The following MAD1L1 variants were observed in gnomAD, a reference collection of about 807,000 sequenced individuals.
The protein encoded by MAD1L1 is mitotic arrest deficient 1 like 1.
In MAD1L1, 95 loss-of-function variants were observed where a neutral mutation model predicts 96.9. The ratio of observed to expected loss-of-function variants is 0.98; its 90% CI spans 0.83 to 1.16. The LOEUF (loss-of-function observed/expected upper bound fraction) is 1.16. Ranked by LOEUF, MAD1L1 falls within the 50% of genes most tolerant of loss-of-function variation. The probability of loss-of-function intolerance (pLI) is 0.00; values close to 1 mark genes in which losing one functional copy is unlikely to be tolerated. For synonymous variants in MAD1L1, 473 were observed against 396.6 expected (o/e 1.19, Z -2.29); for missense variants, 1,007 against 954.4 (o/e 1.06, Z -0.73).
chr7:2,006,074 A>G (rs1044927243), intron 13 of MAD1L1, among the ~76,000 whole-genome samples: 1 of 151,876 alleles, frequency 6.6e-6, no homozygotes, highest in African/African-American at 2.4e-5. Context: ...GCTTATAGAC[A>G]TTCTACAGCA....
intron 12 of MAD1L1, among the ~76,000 whole-genome samples, chr7:2,064,691 A>AGCTTCTCCCAGGAGGACAGCG (rs1182935792): frequency 6.7e-6 from 1 of 148,920 alleles, no homozygotes; most frequent in African/African-American, 2.5e-5. Context: ...GGAATATGGC[A>AGCTTCTCCCAGGAGGACAGCG]GCTTCTCCCA....
chr7:2,061,191 G>C (rs1784645474), intron 12 of MAD1L1, among the ~76,000 whole-genome samples: 2 of 152,118 alleles, frequency 1.3e-5, no homozygotes, highest in South Asian at 4.1e-4. Flanking sequence ...ACAAAACTTA[G>C]CTGGGCGTGC....
In MAD1L1 at chr7:1,941,652, G is replaced by A. The variant is rs146605782; in HGVS notation, c.1597-4755C>T. Among the ~76,000 whole-genome samples, 242 of 152,298 alleles carry A rather than the reference G, an allele frequency of 1.6e-3. 1 individual carries two copies. The highest frequency in any genetic ancestry group is 2.5e-3 in the Non-Finnish European group (171 of 68,030). ...ATGCACCACCAGGTCCTGCTCTCCC[G>A]GAGCCACAGTGTGAGGCCAAGGTCG... On this transcript the variant is annotated intron_variant, in intron 16 of 18. Transcript: ENST00000265854.
At chr7:2,005,797 T>C (rs1260752714) in intron 13 of MAD1L1, among the ~76,000 whole-genome samples, 1 of 152,096 alleles carries the variant, frequency 6.6e-6, no homozygotes, top group Admixed American at 6.5e-5. Context: ...TGAGACCCTG[T>C]GTCAAAAAAA....
intron 17 of MAD1L1, among the ~76,000 whole-genome samples, chr7:1,913,815 T>C (rs1788174967): frequency 6.6e-6 from 1 of 152,098 alleles, no homozygotes; most frequent in African/African-American, 2.4e-5. Flanking sequence ...GGAGGCTCCC[T>C]GGCTGCCTCC....
intron 10 of MAD1L1, among the ~76,000 whole-genome samples, chr7:2,158,532 A>G (rs980164217): frequency 1.1e-4 from 17 of 152,264 alleles, no homozygotes; most frequent in African/African-American, 3.6e-4. Context: ...CCCAAGCGAC[A>G]CAGGCTGTCT....
At chr7:2,018,862 G>C (rs1159027784) in intron 12 of MAD1L1, among the ~76,000 whole-genome samples, 1 of 148,370 alleles carries the variant, frequency 6.7e-6, no homozygotes, top group Non-Finnish European at 1.5e-5. Context: ...CACTCTGCAA[G>C]GGCTCCAAGG....
intron 10 of MAD1L1, among the ~76,000 whole-genome samples, chr7:2,207,733 A>T (rs1209463930): frequency 6.6e-6 from 1 of 152,214 alleles, no homozygotes; most frequent in South Asian, 2.1e-4. Context: ...AATGAAACCC[A>T]AGGAGTGGGT....
chr7:1,939,021 ACATG>A (rs1778793445), intron 16 of MAD1L1, among the ~76,000 whole-genome samples: 4 of 123,890 alleles, frequency 3.2e-5, no homozygotes, highest in African/African-American at 9.7e-5. Context: ...ACACACACAC[ACATG>A]GGCCAGGGCT....
At chr7:2,161,919 C>A (rs1459769027) in intron 10 of MAD1L1, among the ~76,000 whole-genome samples, 1 of 143,106 alleles carries the variant, frequency 7.0e-6, no homozygotes, top group Non-Finnish European at 1.6e-5. Flanking sequence ...CCAGCCAGCC[C>A]GTCCGGGAGG....
intron 18 of MAD1L1, among the ~76,000 whole-genome samples, chr7:1,837,506 T>C (rs1266006134): frequency 1.3e-5 from 2 of 152,238 alleles, no homozygotes; most frequent in African/African-American, 2.4e-5. Flanking sequence ...ATGTTCACTG[T>C]ACACTTTATT....
At chr7:2,001,726 G>T (rs1781802740) in intron 14 of MAD1L1, among the ~76,000 whole-genome samples, 1 of 152,230 alleles carries the variant, frequency 6.6e-6, no homozygotes, top group African/African-American at 2.4e-5. Flanking sequence ...CCACAGCACT[G>T]ATGTCCAGTT....
At chr7:1,964,641 G>A (rs1249791795) in intron 15 of MAD1L1, among the ~76,000 whole-genome samples, 3 of 152,162 alleles carry the variant, frequency 2.0e-5, no homozygotes, top group African/African-American at 2.4e-5. Flanking sequence ...TTTTAAACAC[G>A]AGGAGCGCTA....
chr7:2,196,662 C>G (rs894621544), intron 10 of MAD1L1, among the ~76,000 whole-genome samples: 1 of 152,194 alleles, frequency 6.6e-6, no homozygotes, highest in Non-Finnish European at 1.5e-5. Context: ...ACAGTGCTAC[C>G]CACAGACACT....
chr7:1,975,434 G>A (rs914271733), intron 15 of MAD1L1, among the ~76,000 whole-genome samples: 1 of 152,158 alleles, frequency 6.6e-6, no homozygotes, highest in African/African-American at 2.4e-5. Context: ...CAGAACCAGG[G>A]AAAACCAGTT....
At chr7:1,819,082 G>A (rs1184884720) in intron 18 of MAD1L1, among the ~76,000 whole-genome samples, 1 of 152,128 alleles carries the variant, frequency 6.6e-6, no homozygotes, top group East Asian at 1.9e-4. Flanking sequence ...CCTGCTGAAT[G>A]AGTGGCGCCG....
intron 11 of MAD1L1, among the ~76,000 whole-genome samples, chr7:2,099,338 A>T (rs1054798044): frequency 6.6e-6 from 1 of 152,158 alleles, no homozygotes; most frequent in African/African-American, 2.4e-5. Flanking sequence ...CCTCAACAGG[A>T]GTTGTTTCCC....
intron 12 of MAD1L1, among the ~76,000 whole-genome samples, chr7:2,015,555 G>A (rs532622350): frequency 3.6e-4 from 55 of 152,374 alleles, no homozygotes; most frequent in Non-Finnish European, 7.2e-4. Context: ...GTGCTGCTGC[G>A]GGGAAGTGTG....
chr7:2,058,735 G>T (rs1249273769), intron 12 of MAD1L1, among the ~76,000 whole-genome samples: 1 of 126,306 alleles, frequency 7.9e-6, no homozygotes, highest in Non-Finnish European at 1.7e-5. Context: ...GGCTGGAGAG[G>T]GAGTGTGGCT....
Sources: gnomAD v4.1 joint callset for allele counts (sites outside exome capture counted in the v4.1 genomes callset) on GRCh38, gnomAD v4.1.1 for gene constraint, MANE v1.5 for transcripts, NCBI Gene and HGNC (gene_info 2026-07-23, HGNC 2026-07-21) for gene names.